CYP19A1: variants seen among roughly 807,000 people sequenced by gnomAD.
The protein encoded by CYP19A1 is aromatase.
A neutral mutation model predicts 44.4 loss-of-function variants in CYP19A1; 32 were observed. The observed-to-expected ratio is 0.72, with a 90% confidence interval of 0.54 to 0.97. The LOEUF (loss-of-function observed/expected upper bound fraction) is 0.97. Among genes scored for constraint, CYP19A1 ranks in the 50% least tolerant of loss-of-function variants. The pLI is 0.00. For synonymous variants in CYP19A1, 212 were observed against 215.6 expected (o/e 0.98, Z 0.14); for missense variants, 598 against 637.8 (o/e 0.94, Z 0.67).
intron 4 of CYP19A1, among the ~76,000 whole-genome samples, chr15:51,223,580 C>CT (rs2032304425): frequency 2.1e-5 from 2 of 96,120 alleles, no homozygotes; most frequent in Admixed American, 2.2e-4. Context: ...TGCTCTCTCT[C>CT]TCTCTCTCTC....
At chr15:51,295,611 A>T (rs1309711055) in intron 1 of CYP19A1, among the ~76,000 whole-genome samples, 1 of 152,226 alleles carries the variant, frequency 6.6e-6, no homozygotes, top group Non-Finnish European at 1.5e-5. Context: ...GTTAGGTAAG[A>T]CATTGTGGAA....
At chr15:51,315,750 A>G (rs1466004867) in intron 1 of CYP19A1, 2 of 152,212 alleles carry the variant, frequency 1.3e-5, no homozygotes, top group African/African-American at 2.4e-5. Flanking sequence ...TCTGGGTGCC[A>G]AGGAAAGGAA....
chr15:51,325,906 C>T (rs1025770910), intron 1 of CYP19A1, among the ~76,000 whole-genome samples: 1 of 151,262 alleles, frequency 6.6e-6, no homozygotes, highest in Non-Finnish European at 1.5e-5. Context: ...CATAGCTTAG[C>T]CCAGCCTACC....
At chr15:51,225,255 T>C (rs2032475868) in intron 4 of CYP19A1, among the ~76,000 whole-genome samples, 1 of 152,172 alleles carries the variant, frequency 6.6e-6, no homozygotes, top group Non-Finnish European at 1.5e-5. Context: ...GTTAAACAAA[T>C]GGATGAACTT....
intron 1 of CYP19A1, among the ~76,000 whole-genome samples, chr15:51,301,218 AG>A (rs2036104666): frequency 6.6e-6 from 1 of 152,242 alleles, no homozygotes; most frequent in South Asian, 2.1e-4. Flanking sequence ...CCCAGAAGGC[AG>A]GTTTCTCATA....
At chr15:51,250,282 C>G (rs1258701268) in intron 1 of CYP19A1, among the ~76,000 whole-genome samples, 2 of 152,238 alleles carry the variant, frequency 1.3e-5, no homozygotes, top group African/African-American at 4.8e-5. Flanking sequence ...GGCTTTCTCA[C>G]TCACCTCTGA....
At chr15:51,305,191 C>T (rs921295375) in intron 1 of CYP19A1, among the ~76,000 whole-genome samples, 2 of 152,152 alleles carry the variant, frequency 1.3e-5, no homozygotes, top group South Asian at 2.1e-4. Flanking sequence ...TGATCCATCG[C>T]GCCCGGCCAC....
intron 1 of CYP19A1, among the ~76,000 whole-genome samples, chr15:51,268,519 TCC>T (rs34270729): frequency 1.2e-3 from 163 of 138,928 alleles, no homozygotes; most frequent in South Asian, 2.0e-3. Context: ...ATCGTTTCCT[TCC>T]CCCCCCCCCT....
chr15:51,259,141 T>C (rs1313026372), intron 1 of CYP19A1, among the ~76,000 whole-genome samples: 1 of 152,120 alleles, frequency 6.6e-6, no homozygotes, highest in African/African-American at 2.4e-5. Flanking sequence ...AGACAACAAG[T>C]AGGAAAGCAC....
chr15:51,328,596 G>A (rs2036651382), intron 1 of CYP19A1, among the ~76,000 whole-genome samples: 1 of 151,828 alleles, frequency 6.6e-6, no homozygotes, highest in South Asian at 2.1e-4. Flanking sequence ...ACATGTGTGT[G>A]TACGTTAAGT....
intron 1 of CYP19A1, among the ~76,000 whole-genome samples, chr15:51,263,994 A>G (rs1007484519): frequency 6.6e-6 from 1 of 152,246 alleles, no homozygotes; most frequent in African/African-American, 2.4e-5. Context: ...TGAGAGGTCA[A>G]CAAAGGATTT....
intron 1 of CYP19A1, among the ~76,000 whole-genome samples, chr15:51,294,862 G>A (rs1265073292): frequency 2.0e-5 from 3 of 152,068 alleles, no homozygotes; most frequent in Admixed American, 6.5e-5. Flanking sequence ...TGACAATGGC[G>A]GTTTTGTGGA....
chr15:51,301,302 C>T (rs183969162), intron 1 of CYP19A1, among the ~76,000 whole-genome samples: 5 of 152,264 alleles, frequency 3.3e-5, no homozygotes, highest in African/African-American at 1.2e-4. Context: ...CTGTTCTTGC[C>T]CCTCAAAGGC....
At chr15:51,239,014 A>C (rs1566887866) in intron 2 of CYP19A1, among the ~76,000 whole-genome samples, 2 of 152,108 alleles carry the variant, frequency 1.3e-5, no homozygotes, top group Non-Finnish European at 2.9e-5. Context: ...TTACGTGTAT[A>C]TCTTAGGCCT....
chr15:51,260,800 A>G (rs556006626), intron 1 of CYP19A1, among the ~76,000 whole-genome samples: 1 of 152,346 alleles, frequency 6.6e-6, no homozygotes, highest in South Asian at 2.1e-4. Flanking sequence ...GCACAGAGGG[A>G]GGGACAATGA....
chr15:51,263,606 A>G (rs954688686), intron 1 of CYP19A1, among the ~76,000 whole-genome samples: 1 of 152,208 alleles, frequency 6.6e-6, no homozygotes, highest in Non-Finnish European at 1.5e-5. Context: ...GAGAGGGTAT[A>G]GCTGACAGAA....
intron 1 of CYP19A1, among the ~76,000 whole-genome samples, chr15:51,306,504 T>A (rs1164931040): frequency 6.6e-6 from 1 of 152,182 alleles, no homozygotes; most frequent in Non-Finnish European, 1.5e-5. Context: ...TTGGAAGTTA[T>A]GTAATTTGCA....
intron 1 of CYP19A1, among the ~76,000 whole-genome samples, chr15:51,288,587 ACTCTC>A (rs545969897): frequency 9.0e-4 from 137 of 151,796 alleles, no homozygotes; most frequent in African/African-American, 3.2e-3. Context: ...CTACAGAGAA[ACTCTC>A]CTCTCAGCCT....
intron 6 of CYP19A1, among the ~76,000 whole-genome samples, chr15:51,218,299 G>C (rs1275324331): frequency 1.3e-5 from 2 of 152,120 alleles, no homozygotes; most frequent in Non-Finnish European, 2.9e-5. Flanking sequence ...GAAGCTCCCA[G>C]ACCACACACT....
Sources: gnomAD v4.1 joint callset for allele counts (sites outside exome capture counted in the v4.1 genomes callset) on GRCh38, gnomAD v4.1.1 for gene constraint, MANE v1.5 for transcripts, NCBI Gene and HGNC (gene_info 2026-07-23, HGNC 2026-07-21) for gene names.